LIMCH1: variants seen among roughly 807,000 people sequenced by gnomAD.
LIMCH1 encodes LIM and calponin homology domains-containing protein 1.
LIMCH1 carries 113 observed loss-of-function variants against 176.5 expected under a neutral mutation model. That is an observed-to-expected ratio of 0.64 (90% CI 0.55 to 0.75). The LOEUF (loss-of-function observed/expected upper bound fraction) is 0.75, where lower values mean the gene tolerates loss of function less well. LIMCH1 is among the 30% of genes least tolerant of loss of function. The pLI is 0.00. For missense variants in LIMCH1, 1,674 were observed against 1,814.9 expected, an observed-to-expected ratio of 0.92 and a Z score of 1.41; for synonymous variants, 619 against 645.9, an observed-to-expected ratio of 0.96 and a Z score of 0.63.
chr4:41,414,962 T>C (rs907555295), intron 1 of LIMCH1, among the ~76,000 whole-genome samples: 1 of 152,162 alleles, frequency 6.6e-6, no homozygotes, highest in East Asian at 1.9e-4. Context: ...TGCCGCTTAT[T>C]AGATGTTTAA....
intron 1 of LIMCH1, among the ~76,000 whole-genome samples, chr4:41,396,528 TG>T: frequency 6.6e-6 from 1 of 152,066 alleles, no homozygotes; most frequent in African/African-American, 2.4e-5. Context: ...GGTTTTTTTT[TG>T]TTTTGTTTTC....
At chr4:41,530,743 C>T (rs552093170) in intron 3 of LIMCH1, among the ~76,000 whole-genome samples, 1 of 129,136 alleles carries the variant, frequency 7.7e-6, no homozygotes, top group Non-Finnish European at 1.5e-5. Context: ...GGCAGTGAGC[C>T]GAGATTGTGC....
intron 15 of LIMCH1, 23 bp downstream of exon 15, chr4:41,644,649 G>T: frequency 6.3e-7 from 1 of 1,591,046 alleles, no homozygotes; most frequent in South Asian, 1.1e-5. Flanking sequence ...CAAGGCGCGC[G>T]GGCAGCGGGG....
At chr4:41,384,820 G>C (rs1399861708) in intron 1 of LIMCH1, among the ~76,000 whole-genome samples, 1 of 152,136 alleles carries the variant, frequency 6.6e-6, no homozygotes, top group Non-Finnish European at 1.5e-5. Flanking sequence ...ATACTACCAA[G>C]TATTACTTGG....
chr4:41,363,914 G>A (rs1368461258), intron 1 of LIMCH1, among the ~76,000 whole-genome samples: 2 of 152,202 alleles, frequency 1.3e-5, no homozygotes, highest in Non-Finnish European at 2.9e-5. Flanking sequence ...CCAGCAGGCA[G>A]GGGAGTGACT....
At chr4:41,606,847 G>A (rs1055891968) in intron 4 of LIMCH1, among the ~76,000 whole-genome samples, 1 of 152,114 alleles carries the variant, frequency 6.6e-6, no homozygotes, top group African/African-American at 2.4e-5. Flanking sequence ...CGCCCAGGCT[G>A]GAGTGCAGTG....
At chr4:41,443,192 CTTTTTTTTTTTTTTTTTTTTTTTTTTTT>C (rs916559501) in intron 1 of LIMCH1, among the ~76,000 whole-genome samples, 1 of 39,674 alleles carries the variant, frequency 2.5e-5, no homozygotes, top group Non-Finnish European at 4.1e-5. Flanking sequence ...TGTTTTTTTT[CTTTTTTTTTTTTTTTTTTTTTTTTTTTT>C]TGAGACGGAG....
At chr4:41,687,962 T>A in intron 29 of LIMCH1, 45 bp downstream of exon 29, 1 of 1,460,948 alleles carries the variant, frequency 6.8e-7, no homozygotes, top group Non-Finnish European at 9.6e-7. Flanking sequence ...TTGTTATGAC[T>A]AGAGCTTGCC....
intron 1 of LIMCH1, among the ~76,000 whole-genome samples, chr4:41,375,208 A>C (rs1009377945): frequency 6.6e-6 from 1 of 152,228 alleles, no homozygotes; most frequent in Non-Finnish European, 1.5e-5. Context: ...AACACTGACT[A>C]CTTCTTGGAG....
intron 1 of LIMCH1, chr4:41,473,255 A>G (rs1281126442): frequency 1.1e-6 from 1 of 933,278 alleles, no homozygotes; most frequent in African/African-American, 1.8e-5. Context: ...GACTTTGCTC[A>G]GGTTTGTCAT....
intron 1 of LIMCH1, among the ~76,000 whole-genome samples, chr4:41,598,534 AAAAAGAAAG>A: frequency 6.6e-6 from 1 of 152,164 alleles, no homozygotes. Context: ...TTTTTAAAAA[AAAAAGAAAG>A]AAAAGAAAAG....
chr4:41,580,513 A>G (rs1018335292), intron 1 of LIMCH1, among the ~76,000 whole-genome samples: 3 of 152,196 alleles, frequency 2.0e-5, no homozygotes, highest in Non-Finnish European at 4.4e-5. Flanking sequence ...AGAAGAAAGA[A>G]AAAAGAATAT....
intron 1 of LIMCH1, among the ~76,000 whole-genome samples, chr4:41,425,923 GT>G (rs1339664473): frequency 6.6e-6 from 1 of 152,022 alleles, no homozygotes. Context: ...GATGTCTGAG[GT>G]GCTGCTGTTT....
chr4:41,376,516 T>G (rs1189798619), intron 1 of LIMCH1, among the ~76,000 whole-genome samples: 1 of 152,198 alleles, frequency 6.6e-6, no homozygotes, highest in Non-Finnish European at 1.5e-5. Flanking sequence ...ACTGTAATAA[T>G]CTTTCTGTGA....
chr4:41,551,034 G>T (rs1442773854), intron 1 of LIMCH1: 2 of 152,150 alleles, frequency 1.3e-5, no homozygotes, highest in Non-Finnish European at 2.9e-5. Context: ...AGGTTTAAAA[G>T]AAATTCCTTT....
intron 1 of LIMCH1, among the ~76,000 whole-genome samples, chr4:41,581,479 ACT>A (rs1221880807): frequency 4.0e-5 from 6 of 151,494 alleles, no homozygotes; most frequent in Non-Finnish European, 8.8e-5. Flanking sequence ...CCCCAATTCT[ACT>A]CTCTGCTTCT....
chr4:41,573,703 C>G (rs896928422), intron 1 of LIMCH1, among the ~76,000 whole-genome samples: 2 of 152,100 alleles, frequency 1.3e-5, no homozygotes, highest in Non-Finnish European at 2.9e-5. Context: ...CATAAACCTT[C>G]TTTTTTTCCT....
chr4:41,676,468 A>G lies in LIMCH1; in HGVS notation c.3519+6A>G. The G allele has an allele frequency of 6.2e-7, 1 of 1,610,942 alleles. No homozygotes were observed. The highest frequency in any genetic ancestry group is 2.2e-5 in the East Asian group (1 of 44,848). ...AACAGGAACGTTTGCTCCAGGTAGG[A>G]TGGAGTTTGCTGCTTTTTTTGTTTT... On this transcript the variant is annotated splice_donor_region_variant and intron_variant, in intron 23 of 31. Transcript: ENST00000503057.
At chr4:41,533,794 A>C (rs1022893547), upstream of LIMCH1, among the ~76,000 whole-genome samples, 1 of 152,232 alleles carries the variant, frequency 6.6e-6, no homozygotes, top group East Asian at 1.9e-4. Flanking sequence ...GCGTCTACAA[A>C]TAGTGAAGAT....
Sources: gnomAD v4.1 joint callset for allele counts (sites outside exome capture counted in the v4.1 genomes callset) on GRCh38, gnomAD v4.1.1 for gene constraint, MANE v1.5 for transcripts, NCBI Gene and HGNC (gene_info 2026-07-23, HGNC 2026-07-21) for gene names.